The following PAPSS2 variants were observed in gnomAD, a reference collection of about 807,000 sequenced individuals.
The protein encoded by PAPSS2 is bifunctional 3'-phosphoadenosine 5'-phosphosulfate synthase 2.
PAPSS2 carries 61 observed loss-of-function variants against 66.5 expected under a neutral mutation model. The observed-to-expected ratio is 0.92, with a 90% CI of 0.75 to 1.14. The LOEUF (loss-of-function observed/expected upper bound fraction) is 1.14. Ranked by LOEUF, PAPSS2 falls within the 50% of genes most tolerant of loss-of-function variation. The pLI, the probability that PAPSS2 is intolerant of heterozygous loss-of-function variation, is 0.00. For missense variants in PAPSS2, 708 were observed against 789.6 expected (o/e 0.90, Z 1.24); for synonymous variants, 289 against 287.5 (o/e 1.01, Z -0.05).
Position 87,709,330 on chromosome 10 carries a change from T to C in PAPSS2, c.145+17T>C, listed in dbSNP as rs199631081. 2 of 312,052 alleles carry C rather than the reference T, an allele frequency of 6.4e-6. No homozygotes were observed. The highest frequency in any genetic ancestry group is 8.1e-6 in the Non-Finnish European group (2 of 247,450). 19.3% of individuals were successfully genotyped at this position (312,052 alleles called of 1,614,324 possible). On this transcript the variant is annotated intron_variant, in intron 2 of 12. Transcript: ENST00000456849. Reference sequence around the variant, plus strand: ...GGCTAACAGGTATGTCATGTTCATATATATATATATATATACAAATTGCAA... The same window carrying C: ...GGCTAACAGGTATGTCATGTTCATACATATATATATATATACAAATTGCAA...
intron 1 of PAPSS2, among the ~76,000 whole-genome samples, chr10:87,703,276 CGTGTGTGTGT>C (rs10673718): frequency 0.19 from 27,257 of 145,458 alleles, 2,736 homozygotes; most frequent in East Asian, 0.41. Context: ...AACAACATTG[CGTGTGTGTGT>C]GTGTGTGTGT....
At chr10:87,725,696 G>C (rs955885655) in intron 8 of PAPSS2, among the ~76,000 whole-genome samples, 1 of 151,858 alleles carries the variant, frequency 6.6e-6, no homozygotes, top group African/African-American at 2.4e-5. Flanking sequence ...TAGATTAGTG[G>C]GTTTTGTTTT....
At chr10:87,719,007 T>A (rs899332661) in intron 7 of PAPSS2, among the ~76,000 whole-genome samples, 1 of 152,246 alleles carries the variant, frequency 6.6e-6, no homozygotes, top group Non-Finnish European at 1.5e-5. Context: ...AATTATCTGC[T>A]GGTTCCACCA....
At chr10:87,708,207 C>T (rs1853416584) in intron 1 of PAPSS2, among the ~76,000 whole-genome samples, 1 of 152,166 alleles carries the variant, frequency 6.6e-6, no homozygotes, top group African/African-American at 2.4e-5. Flanking sequence ...TCTCTTACCT[C>T]ACTAAGCTGA....
chr10:87,718,734 T>G (rs1434240578), intron 7 of PAPSS2, among the ~76,000 whole-genome samples: 1 of 152,220 alleles, frequency 6.6e-6, no homozygotes. Context: ...GGACTCTTCT[T>G]CAAGTGGGAA....
Position 87,727,458 on chromosome 10 carries a change from G to A in PAPSS2, c.1055G>A (p.Gly352Glu). ...RKEERCSRVW[G>E]TTCTKHPHIK... ...GAGGAACGCTGTTCCCGTGTTTGGG[G>A]GACAACATGTACAAAACACCCCCAT... The change falls in exon 9 of 13, where the codon GGG becomes GAG. Residue 352 changes from glycine (G) to glutamate (E), a missense_variant. By Grantham distance (98) the Gly-to-Glu change is moderately conservative. Coordinates refer to ENST00000456849, the MANE Select transcript of PAPSS2 (RefSeq NM_001015880.2). 6.2e-7 allele frequency: 1 copy of A among 1,613,576 alleles called. No homozygotes were observed. The highest frequency in any genetic ancestry group is 8.5e-7 in the Non-Finnish European group (1 of 1,179,810).
At chr10:87,660,105 G>A in intron 1 of PAPSS2, 97 bp downstream of exon 1, 2 of 1,290,746 alleles carry the variant, frequency 1.5e-6, no homozygotes, top group Non-Finnish European at 2.2e-6. Context: ...ACCCTCCCCG[G>A]GAGGGGGCGT....
chr10:87,676,176 T>C (rs1280119032), intron 1 of PAPSS2, among the ~76,000 whole-genome samples: 3 of 152,070 alleles, frequency 2.0e-5, no homozygotes, highest in Non-Finnish European at 4.4e-5. Flanking sequence ...GACCATTCTT[T>C]CTTAGTGAGC....
rs201064028 is a variant in PAPSS2, at chr10:87,741,370, G to A, written c.1222G>A (p.Asp408Asn). Reference sequence around the variant, plus strand: ...ACAGAAATGTAAAGAAATGAATGCTGGTATGTAAACTGTTCTTAGTGCATT... The same window carrying A: ...ACAGAAATGTAAAGAAATGAATGCTAGTATGTAAACTGTTCTTAGTGCATT... ...LKQKCKEMNA[D>N]AVFAFQLRNP... Residue 408 changes from aspartate to asparagine, a missense_variant and splice_region_variant, in exon 10 of 13, where the codon GAT becomes AAT. By Grantham distance (23) the Asp-to-Asn change is conservative (BLOSUM62 1). Transcript: ENST00000456849. 62 of 1,610,140 alleles carry A rather than the reference G, an allele frequency of 3.9e-5. No homozygotes were observed. Among genetic ancestry groups the A allele is most frequent in the Non-Finnish European group, 5.2e-5 (61 of 1,176,580 alleles).
chr10:87,692,080 C>T (rs915183384), intron 1 of PAPSS2, among the ~76,000 whole-genome samples: 4 of 152,026 alleles, frequency 2.6e-5, no homozygotes, highest in Non-Finnish European at 5.9e-5. Context: ...GATGGAATGG[C>T]GTTTAGCTGA....
intron 1 of PAPSS2, among the ~76,000 whole-genome samples, chr10:87,681,287 C>G (rs886539269): frequency 2.0e-5 from 3 of 152,194 alleles, no homozygotes; most frequent in African/African-American, 7.2e-5. Flanking sequence ...TAATGCAGCT[C>G]AGCCCTGGCT....
rs1165449199 is a variant in PAPSS2 at position 87,746,706 on chromosome 10, T to C, written c.*736T>C. 6.6e-6 allele frequency: 1 copy of C among 152,220 alleles called. No homozygotes were observed. The highest frequency in any genetic ancestry group is 1.5e-5 in the Non-Finnish European group (1 of 68,036). The allele number at this position is 152,220 out of a possible 1,614,324, so 9.4% of individuals were successfully genotyped here. A position where few individuals can be genotyped will look rare whatever the true frequency, so the allele number is the denominator to read the frequency against. On this transcript the variant is annotated 3_prime_UTR_variant, in exon 13 of 13. Coordinates refer to ENST00000456849, the MANE Select transcript of PAPSS2 (RefSeq NM_001015880.2). Reference sequence around the variant, plus strand: ...CATACAGTGATTTGATGAAAGGACGTCAAACAATGTGGCGATGTCGTGGAA... The same window carrying C: ...CATACAGTGATTTGATGAAAGGACGCCAAACAATGTGGCGATGTCGTGGAA...
intron 9 of PAPSS2, among the ~76,000 whole-genome samples, chr10:87,734,663 G>GTGTATATA (rs1491455056): frequency 8.6e-5 from 7 of 81,110 alleles, no homozygotes; most frequent in Non-Finnish European, 1.3e-4. Context: ...GAATGTGTGT[G>GTGTATATA]TATATATATA....
chr10:87,673,360 A>T (rs763260372), intron 1 of PAPSS2, among the ~76,000 whole-genome samples: 23 of 151,954 alleles, frequency 1.5e-4, no homozygotes, highest in Non-Finnish European at 2.8e-4. Context: ...GGGTCTCCCT[A>T]TGTTGCCCAG....
In PAPSS2 at chr10:87,729,645, T is replaced by G. The variant is rs138018508; in HGVS notation, c.1086+2156T>G. On this transcript the variant is annotated intron_variant, in intron 9 of 12. Transcript: ENST00000456849. ...CTAAGTGTTCAGGTGAAAGGAAGAC[T>G]CACACATCTCTCACTTTAAATCAAA... is the stretch of plus-strand genomic sequence containing the variant. Among the ~76,000 whole-genome samples, 223 of 152,302 alleles carry G rather than the reference T, an allele frequency of 1.5e-3. 1 individual carries two copies. Among genetic ancestry groups the G allele is most frequent in the African/African-American group, 5.1e-3 (212 of 41,560 alleles).
intron 1 of PAPSS2, among the ~76,000 whole-genome samples, chr10:87,661,426 C>T (rs2131890108): frequency 6.6e-6 from 1 of 152,296 alleles, no homozygotes; most frequent in South Asian, 2.1e-4. Flanking sequence ...TATTTTGTTC[C>T]TATTTAATGC....
At position 87,745,363 on chromosome 10, in the gene PAPSS2, A is replaced by G. The variant is rs1354274016; in HGVS notation, c.1721+132A>G. The G allele has an allele frequency of 6.8e-6, 5 of 732,402 alleles. No homozygotes were observed. In the East Asian group the frequency reaches 1.1e-4, roughly 16 times the overall value. 45.4% of individuals were successfully genotyped at this position (732,402 alleles called of 1,614,324 possible). On this transcript the variant is annotated intron_variant, in intron 12 of 12. Coordinates refer to ENST00000456849, the MANE Select transcript of PAPSS2 (RefSeq NM_001015880.2). ...AAGTGGACTGAGTCCCTTGAGAGTCAAGACGTGGTCTTATAAATTTTATGT... is the reference window on the plus strand; with the variant it reads ...AAGTGGACTGAGTCCCTTGAGAGTCGAGACGTGGTCTTATAAATTTTATGT...
intron 2 of PAPSS2, among the ~76,000 whole-genome samples, chr10:87,709,528 C>T (rs1253371689): frequency 1.3e-5 from 2 of 152,130 alleles, no homozygotes; most frequent in East Asian, 3.8e-4. Flanking sequence ...ATCAAGTCAA[C>T]TGTGAAAGTC....
chr10:87,723,126 A>T (rs965677465), intron 8 of PAPSS2, among the ~76,000 whole-genome samples: 4 of 152,222 alleles, frequency 2.6e-5, no homozygotes, highest in African/African-American at 9.6e-5. Flanking sequence ...ACCCTGCTCC[A>T]CATTTTGCTT....
Sources: gnomAD v4.1 joint callset for allele counts (sites outside exome capture counted in the v4.1 genomes callset) on GRCh38, gnomAD v4.1.1 for gene constraint, MANE v1.5 for transcripts, NCBI Gene and HGNC (gene_info 2026-07-23, HGNC 2026-07-21) for gene names.